The following PDHX variants were observed in gnomAD, a reference collection of about 807,000 sequenced individuals.
PDHX encodes pyruvate dehydrogenase protein X component, mitochondrial.
PDHX carries 33 observed loss-of-function variants against 55.3 expected under a neutral mutation model. The ratio of observed to expected loss-of-function variants is 0.60; its 90% CI spans 0.45 to 0.80. The LOEUF is 0.80. Among genes scored for constraint, PDHX ranks in the 30% least tolerant of loss-of-function variants. The probability of loss-of-function intolerance (pLI) is 0.00; values close to 1 mark genes in which losing one functional copy is unlikely to be tolerated. For missense variants in PDHX, 622 were observed against 619.9 expected, an observed-to-expected ratio of 1.00 and a Z score of -0.04; for synonymous variants, 226 against 219.4, an observed-to-expected ratio of 1.03 and a Z score of -0.27.
At chr11:34,980,366 T>TTTTTTTTTTTTTTTTTTTTTTTA in intron 8 of PDHX, among the ~76,000 whole-genome samples, 1 of 143,036 alleles carries the variant, frequency 7.0e-6, no homozygotes, top group Non-Finnish European at 1.5e-5. Context: ...TTTTTTTTTT[T>TTTTTTTTTTTTTTTTTTTTTTTA]GAGCAGCAGC....
chr11:34,992,503 A>T (rs530195991), intron 10 of PDHX, 124 bp downstream of exon 10: 1 of 623,914 alleles, frequency 1.6e-6, no homozygotes, highest in Admixed American at 2.6e-5. Flanking sequence ...TACTTTATTT[A>T]GACAATAGAA....
At chr11:34,956,882 A>G (rs925991607) in intron 3 of PDHX, among the ~76,000 whole-genome samples, 2 of 152,214 alleles carry the variant, frequency 1.3e-5, no homozygotes, top group African/African-American at 2.4e-5. Context: ...ATACATTAGA[A>G]TGTTCATCTT....
chr11:34,923,838 TG>T (rs1198182588), intron 1 of PDHX, among the ~76,000 whole-genome samples: 1 of 152,156 alleles, frequency 6.6e-6, no homozygotes, highest in Non-Finnish European at 1.5e-5. Context: ...GCTTTGGAAG[TG>T]AATAGTATGA....
chr11:34,916,408 G>A (rs1853699894), upstream of PDHX: 2 of 1,508,024 alleles, frequency 1.3e-6, no homozygotes, highest in South Asian at 2.6e-5. Flanking sequence ...CCCGGGGGCG[G>A]GGCGAACGGG....
chr11:34,947,698 T>C lies in PDHX; in HGVS notation c.342+92T>C, dbSNP rs1005905575. The C allele has an allele frequency of 1.4e-5, 12 of 838,052 alleles. No individual in the cohort carries two copies. In the African/African-American group the frequency reaches 1.5e-4, roughly 11 times the overall value. The allele number at this position is 838,052 out of a possible 1,614,324, so 51.9% of individuals were successfully genotyped here. ...AAATTACCTTTTATTTTTGCCTCCT[T>C]ATTTTTAATGTGTATTGTCTACTAC... On this transcript the variant is annotated intron_variant, in intron 3 of 10. Coordinates refer to ENST00000227868, the MANE Select transcript of PDHX (RefSeq NM_003477.3).
At chr11:34,952,277 A>G (rs1854792812) in intron 3 of PDHX, among the ~76,000 whole-genome samples, 1 of 152,016 alleles carries the variant, frequency 6.6e-6, no homozygotes, top group Non-Finnish European at 1.5e-5. Context: ...AGGAACTGGT[A>G]CCATTCCTTC....
At chr11:34,932,178 T>G (rs2031685) in intron 2 of PDHX, among the ~76,000 whole-genome samples, 4 of 152,134 alleles carry the variant, frequency 2.6e-5, no homozygotes, top group Admixed American at 1.3e-4. Context: ...AATGAAACTA[T>G]GCAAGTCTTG....
At position 34,970,199 on chromosome 11, in the gene PDHX, G is replaced by C; in HGVS notation, c.877G>C (p.Glu293Gln). Residue 293 changes from glutamate to glutamine, a missense_variant, in exon 7 of 11, where the codon GAA becomes CAA. Coordinates refer to ENST00000227868, the MANE Select transcript of PDHX (RefSeq NM_003477.3). ...IRRVIAKRLT[E>Q]SKSTVPHAYA... Reference sequence around the variant, plus strand: ...AAGAGTTATTGCCAAGAGATTAACTGAATCTAAAAGTACTGTACCTCATGC... The same window carrying C: ...AAGAGTTATTGCCAAGAGATTAACTCAATCTAAAAGTACTGTACCTCATGC... 1 of 1,612,546 alleles carries C rather than the reference G, an allele frequency of 6.2e-7. No individual in the cohort carries two copies. The highest frequency in any genetic ancestry group is 1.1e-5 in the South Asian group (1 of 91,058).
intron 2 of PDHX, among the ~76,000 whole-genome samples, chr11:34,944,797 G>A (rs1854583198): frequency 6.6e-6 from 1 of 151,622 alleles, no homozygotes; most frequent in South Asian, 2.1e-4. Flanking sequence ...TTTGTGTTAG[G>A]GCTATCTCTT....
Position 34,916,676 on chromosome 11 carries a change from G to A in PDHX, c.21G>A (p.Leu7=). 1 of 1,611,168 alleles carries A rather than the reference G, an allele frequency of 6.2e-7. No homozygotes were observed. Among genetic ancestry groups the A allele is most frequent in the African/African-American group, 1.3e-5 (1 of 75,034 alleles). MAASWR[L]GCDPRLLRYL... Reference sequence around the variant, plus strand: ...TCAAGATGGCGGCCTCCTGGAGGCTGGGCTGTGATCCGCGGCTGCTGCGTT... The same window carrying A: ...TCAAGATGGCGGCCTCCTGGAGGCTAGGCTGTGATCCGCGGCTGCTGCGTT... The change falls in exon 1 of 11, where the codon CTG becomes CTA. Residue 7 remains leucine, a synonymous_variant. Transcript: ENST00000227868.
intron 2 of PDHX, among the ~76,000 whole-genome samples, chr11:34,938,481 G>A (rs1453544514): frequency 6.6e-6 from 1 of 152,178 alleles, no homozygotes; most frequent in Non-Finnish European, 1.5e-5. Flanking sequence ...TATAAATAAT[G>A]TAATCAGTTG....
intron 9 of PDHX, among the ~76,000 whole-genome samples, chr11:34,988,124 G>A (rs971101179): frequency 3.3e-5 from 5 of 151,996 alleles, no homozygotes; most frequent in Non-Finnish European, 4.4e-5. Flanking sequence ...AATCTGCTCC[G>A]ACCAGAGAGA....
intron 3 of PDHX, among the ~76,000 whole-genome samples, chr11:34,950,829 TAAAC>T (rs1854744968): frequency 2.6e-5 from 4 of 151,420 alleles, no homozygotes; most frequent in African/African-American, 9.7e-5. Context: ...AGTGCCGCAG[TAAAC>T]ATACATGTGC....
At position 34,970,271 on chromosome 11, in the gene PDHX, C is replaced by CA. The variant is rs1855230443; in HGVS notation, c.951dup (p.Asp318ArgfsTer6). ...CCTTGGAGCTGTTTTAAAAGTTAGG[C>CA]AAGATCTGGTCAAAGGTTAGTAAAA... On this transcript the variant is annotated frameshift_variant, in exon 7 of 11. Transcript: ENST00000227868. LOFTEE classifies it high-confidence loss of function. 1.9e-6 allele frequency: 3 copies of CA among 1,613,418 alleles called. No individual in the cohort carries two copies. Among genetic ancestry groups the CA allele is most frequent in the Non-Finnish European group, 2.5e-6 (3 of 1,179,446 alleles).
chr11:34,973,513 G>A (rs1468393416), intron 7 of PDHX, among the ~76,000 whole-genome samples: 1 of 151,746 alleles, frequency 6.6e-6, no homozygotes, highest in African/African-American at 2.4e-5. Context: ...TACTTATTTT[G>A]TTATCATTCT....
intron 6 of PDHX, among the ~76,000 whole-genome samples, chr11:34,967,689 A>T (rs1044295114): frequency 1.3e-5 from 2 of 152,158 alleles, no homozygotes; most frequent in African/African-American, 4.8e-5. Context: ...CAGTTTATTT[A>T]AAATCGAATG....
intron 4 of PDHX, among the ~76,000 whole-genome samples, chr11:34,959,915 G>A (rs1265063099): frequency 1.3e-5 from 2 of 152,156 alleles, no homozygotes; most frequent in South Asian, 4.1e-4. Flanking sequence ...GAGAGTTACT[G>A]TTTAATAGAT....
At position 34,974,924 on chromosome 11, in the gene PDHX, T is replaced by C. The variant is rs182275273; in HGVS notation, c.965-3200T>C. On this transcript the variant is annotated intron_variant, in intron 7 of 10. Coordinates refer to ENST00000227868, the MANE Select transcript of PDHX (RefSeq NM_003477.3). The stretch of plus-strand genomic sequence containing the variant: ...CCTGTCTCCAAAAACAAAAATGAAG[T>C]GCACAAAGGTTGAAATTTCTCCACA... Among the ~76,000 whole-genome samples the C allele has an allele frequency of 7.9e-5, 12 of 152,194 alleles. No individual in the cohort carries two copies. The East Asian group carries it at 2.3e-3, about 29-fold the overall frequency.
chr11:34,981,089 G>A (rs1855501009), intron 8 of PDHX, among the ~76,000 whole-genome samples: 1 of 151,920 alleles, frequency 6.6e-6, no homozygotes, highest in Non-Finnish European at 1.5e-5. Flanking sequence ...GTGTTGGTGT[G>A]CTGCACCCAG....
Sources: allele counts gnomAD v4.1 joint callset (sites outside exome capture counted in the v4.1 genomes callset), GRCh38; gene constraint gnomAD v4.1.1; transcripts MANE v1.5; gene names NCBI Gene and HGNC (gene_info 2026-07-23, HGNC 2026-07-21).